The following KIAA0513 variants were observed in gnomAD, a reference collection of about 807,000 sequenced individuals.
The protein encoded by KIAA0513 is uncharacterized protein KIAA0513.
A neutral mutation model predicts 56.5 loss-of-function variants in KIAA0513; 39 were observed. The observed-to-expected ratio is 0.69, with a 90% CI of 0.53 to 0.90. The LOEUF (loss-of-function observed/expected upper bound fraction) is 0.90, where lower values mean the gene tolerates loss of function less well. Among genes scored for constraint, KIAA0513 ranks in the 40% least tolerant of loss-of-function variants. The probability of loss-of-function intolerance (pLI) is 0.00; values close to 1 mark genes in which losing one functional copy is unlikely to be tolerated. For synonymous variants in KIAA0513, 268 were observed against 215.6 expected, an observed-to-expected ratio of 1.24 and a Z score of -2.13; for missense variants, 591 against 535.2, an observed-to-expected ratio of 1.10 and a Z score of -1.03.
rs1395794176 is a variant in KIAA0513, at chr16:85,072,936, C to T, written c.441C>T (p.Ser147=). ...CTCTTTCTGGACAGCGCTGCAACTCCAAGTGTGTCTCAGAGGCAACCTTCT... is the reference window on the plus strand; with the variant it reads ...CTCTTTCTGGACAGCGCTGCAACTCTAAGTGTGTCTCAGAGGCAACCTTCT... ...ARYVSAQRCN[S]KCVSEATFYR... Residue 147 remains serine, a synonymous_variant, in exon 4 of 13, where the codon TCC becomes TCT. Coordinates refer to ENST00000683363, the MANE Select transcript of KIAA0513 (RefSeq NM_001388359.1). 1.2e-6 allele frequency: 2 copies of T among 1,614,216 alleles called. No homozygotes were observed. The highest frequency in any genetic ancestry group is 3.3e-5 in the Admixed American group (2 of 60,032).
Position 85,032,556 on chromosome 16 carries a change from T to G in KIAA0513, c.-173+4698T>G, listed in dbSNP as rs142970575. 5.4e-3 allele frequency among the ~76,000 whole-genome samples: 817 copies of G among 152,226 alleles called. 9 individuals carry two copies. Among genetic ancestry groups the G allele is most frequent in the African/African-American group, 0.019 (789 of 41,526 alleles). ...CCATGTTGGCCAGGCTGGTCTCAAG[T>G]TCCTGACCTCAAGTGATCCTCCTGC... On this transcript the variant is annotated intron_variant, in intron 1 of 12. Coordinates refer to ENST00000683363, the MANE Select transcript of KIAA0513 (RefSeq NM_001388359.1).
At chr16:85,078,271 A>G in intron 6 of KIAA0513, 144 bp from the exon 7 acceptor site, 1 of 756,272 alleles carries the variant, frequency 1.3e-6, no homozygotes, top group Non-Finnish European at 2.2e-6. Flanking sequence ...GTTGACAAAT[A>G]GAGCCTTGAT....
chr16:85,075,453 G>C (rs1448645802), intron 4 of KIAA0513, among the ~76,000 whole-genome samples: 1 of 152,202 alleles, frequency 6.6e-6, no homozygotes, highest in Non-Finnish European at 1.5e-5. Flanking sequence ...TGCGGGGAAG[G>C]TCATCCAGCT....
chr16:85,078,525 A>C, intron 7 of KIAA0513, 70 bp downstream of exon 7: 1 of 1,489,262 alleles, frequency 6.7e-7, no homozygotes, highest in South Asian at 1.1e-5. Flanking sequence ...AAGCAGGTGC[A>C]CGGCCTCTGG....
intron 4 of KIAA0513, among the ~76,000 whole-genome samples, chr16:85,074,016 C>T (rs1308569870): frequency 6.6e-6 from 1 of 151,984 alleles, no homozygotes; most frequent in Non-Finnish European, 1.5e-5. Flanking sequence ...CTTGCTCTGT[C>T]ACCCAGGCTG....
In KIAA0513 at chr16:85,071,769, T is replaced by C; in HGVS notation, c.330-14T>C. The C allele has an allele frequency of 6.5e-7, 1 of 1,548,654 alleles. No individual in the cohort carries two copies. Among genetic ancestry groups the C allele is most frequent in the South Asian group, 1.2e-5 (1 of 82,504 alleles). On this transcript the variant is annotated splice_polypyrimidine_tract_variant and intron_variant, in intron 2 of 12. Transcript: ENST00000683363. The stretch of plus-strand genomic sequence containing the variant: ...TTTTTTTTTTTTTCCTCTGCTCTTT[T>C]TTTTTTTTTTTAGGGAGGACTTGGA...
Position 85,072,964 on chromosome 16 carries a change from C to A in KIAA0513, c.469C>A (p.Arg157Ser), listed in dbSNP as rs752843955. The A allele has an allele frequency of 6.2e-7, 1 of 1,614,064 alleles. No homozygotes were observed. Among genetic ancestry groups the A allele is most frequent in the African/African-American group, 1.3e-5 (1 of 74,932 alleles). ...SKCVSEATFYRLVQSFAVVLF... is the reference protein window; with the variant it reads ...SKCVSEATFYSLVQSFAVVLF... The stretch of plus-strand genomic sequence containing the variant: ...GTGTGTCTCAGAGGCAACCTTCTAC[C>A]GCCTGGTGCAGTCTTTTGCAGTGGT... The change falls in exon 4 of 13, where the codon CGC (arginine) becomes AGC (serine). Residue 157 changes from arginine (R) to serine (S), a missense_variant. Transcript: ENST00000683363.
At chr16:85,069,319 T>G (rs957718281) in intron 2 of KIAA0513, among the ~76,000 whole-genome samples, 1 of 151,886 alleles carries the variant, frequency 6.6e-6, no homozygotes, top group Non-Finnish European at 1.5e-5. Flanking sequence ...TAAGCAGTCC[T>G]CCTGCCACGA....
At chr16:85,052,511 T>C (rs1364616306) in intron 1 of KIAA0513, among the ~76,000 whole-genome samples, 5 of 152,172 alleles carry the variant, frequency 3.3e-5, no homozygotes, top group African/African-American at 9.7e-5. Context: ...CAAAACCCTG[T>C]CTCAAATCAA....
intron 1 of KIAA0513, among the ~76,000 whole-genome samples, chr16:85,028,663 G>T (rs898956164): frequency 6.6e-6 from 1 of 151,834 alleles, no homozygotes; most frequent in African/African-American, 2.4e-5. Flanking sequence ...TGGGTTGCAG[G>T]TTGATTAGAC....
intron 1 of KIAA0513, among the ~76,000 whole-genome samples, chr16:85,033,725 T>C (rs2143834906): frequency 1.3e-5 from 2 of 152,324 alleles, no homozygotes; most frequent in South Asian, 4.1e-4. Flanking sequence ...ATCTGGTGAC[T>C]GGCACTGGCA....
intron 1 of KIAA0513, among the ~76,000 whole-genome samples, chr16:85,057,209 A>G (rs1243277869): frequency 6.6e-6 from 1 of 152,190 alleles, no homozygotes; most frequent in Non-Finnish European, 1.5e-5. Context: ...TGGCGTGTAC[A>G]CTTTCATGCA....
chr16:85,050,275 G>GA (rs887068801), intron 1 of KIAA0513, among the ~76,000 whole-genome samples: 42 of 151,856 alleles, frequency 2.8e-4, no homozygotes, highest in Non-Finnish European at 4.0e-4. Context: ...GAGAACTTCT[G>GA]AAAAAACAAG....
chr16:85,069,370 T>C (rs2073538171), intron 2 of KIAA0513, among the ~76,000 whole-genome samples: 1 of 152,084 alleles, frequency 6.6e-6, no homozygotes, highest in South Asian at 2.1e-4. Context: ...GCCACTATAC[T>C]GGCCAGCAGC....
rs2073835782 is a variant in KIAA0513 at position 85,088,550 on chromosome 16, C to T, written c.*225C>T. On this transcript the variant is annotated 3_prime_UTR_variant, in exon 13 of 13. Coordinates refer to ENST00000683363, the MANE Select transcript of KIAA0513 (RefSeq NM_001388359.1). Reference sequence around the variant, plus strand: ...GTGCCAAAGTGTCCCTTGGGTCACACAGCTAAAGCCGAGGTGACCAGTTGT... The same window carrying T: ...GTGCCAAAGTGTCCCTTGGGTCACATAGCTAAAGCCGAGGTGACCAGTTGT... 1 of 564,656 alleles carries T rather than the reference C, an allele frequency of 1.8e-6. No individual in the cohort carries two copies. Among genetic ancestry groups the T allele is most frequent in the Non-Finnish European group, 3.2e-6 (1 of 314,300 alleles). 35.0% of individuals were successfully genotyped at this position (564,656 alleles called of 1,614,324 possible). A position where few individuals can be genotyped will look rare whatever the true frequency, so the allele number is the denominator to read the frequency against.
chr16:85,071,690 C>A (rs12445079), intron 2 of KIAA0513, 93 bp from the exon 3 acceptor site: 74,172 of 1,033,190 alleles, frequency 0.072, 3,202 homozygotes, highest in Non-Finnish European at 0.085. Flanking sequence ...GGGAATATTT[C>A]GTTAGTTCCT....
chr16:85,034,539 T>G (rs1386853590), intron 1 of KIAA0513, among the ~76,000 whole-genome samples: 1 of 152,066 alleles, frequency 6.6e-6, no homozygotes, highest in East Asian at 1.9e-4. Flanking sequence ...TTCGTAGTCT[T>G]GTGCCTTAGA....
rs1023009722 is a variant in KIAA0513 at position 85,087,297 on chromosome 16, C to T, written c.1186+131C>T. The T allele has an allele frequency of 7.1e-6, 5 of 704,296 alleles. No homozygotes were observed. In the East Asian group the frequency reaches 7.9e-5, roughly 11 times the overall value. The allele number at this position is 704,296 out of a possible 1,614,324, so 43.6% of individuals were successfully genotyped here. The stretch of plus-strand genomic sequence containing the variant: ...AGTCGGAAACGTGGTGCTGAGCTCT[C>T]GGCAGACGGCCCCTCCTTTCTCCCC... On this transcript the variant is annotated intron_variant, in intron 12 of 12. Transcript: ENST00000683363.
At chr16:85,070,775 T>A (rs1461738743) in intron 2 of KIAA0513, among the ~76,000 whole-genome samples, 1 of 152,224 alleles carries the variant, frequency 6.6e-6, no homozygotes, top group Non-Finnish European at 1.5e-5. Flanking sequence ...TGACCAACAC[T>A]GAGATGGGTG....
Sources: gnomAD v4.1 joint callset for allele counts (sites outside exome capture counted in the v4.1 genomes callset) on GRCh38, gnomAD v4.1.1 for gene constraint, MANE v1.5 for transcripts, NCBI Gene and HGNC (gene_info 2026-07-23, HGNC 2026-07-21) for gene names.